Variants in PIBF1 observed in about 807,000 individuals in gnomAD.
PIBF1 encodes progesterone immunomodulatory binding factor 1, also known as progesterone-induced-blocking factor 1.
PIBF1 carries 90 observed loss-of-function variants against 112.5 expected under a neutral mutation model. That is an observed-to-expected ratio of 0.80 (90% CI 0.67 to 0.95). The LOEUF (loss-of-function observed/expected upper bound fraction) is 0.95. Among genes scored for constraint, PIBF1 ranks in the 40% least tolerant of loss-of-function variants. PIBF1 has a pLI of 0.00. For synonymous variants in PIBF1, 301 were observed against 288.6 expected (o/e 1.04, Z -0.44); for missense variants, 915 against 852.3 (o/e 1.07, Z -0.92).
intron 11 of PIBF1, among the ~76,000 whole-genome samples, chr13:72,899,933 A>AC: frequency 6.6e-6 from 1 of 152,318 alleles, no homozygotes; most frequent in South Asian, 2.1e-4. Context: ...TGATGTACAC[A>AC]AATCAGTAGC....
intron 10 of PIBF1, among the ~76,000 whole-genome samples, chr13:72,876,893 T>A (rs1219429597): frequency 6.6e-6 from 1 of 152,176 alleles, no homozygotes; most frequent in Non-Finnish European, 1.5e-5. Flanking sequence ...TCCTTCCCAA[T>A]CTATATACTT....
At chr13:72,959,514 T>TA (rs1484708107) in intron 14 of PIBF1, among the ~76,000 whole-genome samples, 1 of 152,200 alleles carries the variant, frequency 6.6e-6, no homozygotes, top group African/African-American at 2.4e-5. Flanking sequence ...AACTCAATGT[T>TA]AAATTCCACT....
rs144948186 is a variant in PIBF1, at chr13:72,870,735, A to G, written c.1322+16580A>G. Among the ~76,000 whole-genome samples, 453 of 152,182 alleles carry G rather than the reference A, an allele frequency of 3.0e-3. 2 individuals are homozygous for G. The highest frequency in any genetic ancestry group is 1.0e-2 in the African/African-American group (415 of 41,536). On this transcript the variant is annotated intron_variant, in intron 10 of 17. Transcript: ENST00000326291. Reference sequence around the variant, plus strand: ...TTTAGAAGAGGTGGTACATGAAACAAGCATTTGAAGTGTGAAATTTGACAT... The same window carrying G: ...TTTAGAAGAGGTGGTACATGAAACAGGCATTTGAAGTGTGAAATTTGACAT...
At chr13:72,928,044 T>TATACATATATATATATATAC (rs1425822905) in intron 13 of PIBF1, among the ~76,000 whole-genome samples, 12 of 130,076 alleles carry the variant, frequency 9.2e-5, no homozygotes, top group African/African-American at 2.6e-4. Flanking sequence ...TATATATATA[T>TATACATATATATATATATAC]ACATATATAT....
At position 72,976,649 on chromosome 13, in the gene PIBF1, C is replaced by A. The variant is rs569086378; in HGVS notation, c.2049+2974C>A. Among the ~76,000 whole-genome samples, 4 of 152,106 alleles carry A rather than the reference C, an allele frequency of 2.6e-5. No homozygotes were observed. In the South Asian group the frequency reaches 8.3e-4, roughly 32 times the overall value. ...ATGTTATTAATCATTTTCTAAGAAACCATTTACTACCAACTTACATCATAT... is the reference window on the plus strand; with the variant it reads ...ATGTTATTAATCATTTTCTAAGAAAACATTTACTACCAACTTACATCATAT... On this transcript the variant is annotated intron_variant, in intron 16 of 17. Coordinates refer to ENST00000326291, the MANE Select transcript of PIBF1 (RefSeq NM_006346.4).
At chr13:72,803,753 TA>T (rs1265063014) in intron 5 of PIBF1, among the ~76,000 whole-genome samples, 1 of 152,164 alleles carries the variant, frequency 6.6e-6, no homozygotes, top group African/African-American at 2.4e-5. Context: ...TTATGACCAC[TA>T]GAGGAGGGTT....
Position 72,827,132 on chromosome 13 carries a change from T to C in PIBF1, c.915+14T>C. 1 of 1,336,944 alleles carries C rather than the reference T, an allele frequency of 7.5e-7. No homozygotes were observed. Among genetic ancestry groups the C allele is most frequent in the South Asian group, 1.3e-5 (1 of 78,188 alleles). The allele number at this position is 1,336,944 out of a possible 1,614,324, so 82.8% of individuals were successfully genotyped here. A position where few individuals can be genotyped will look rare whatever the true frequency, so the allele number is the denominator to read the frequency against. ...TTATCAAAAGAGGTAAGCTTATAAT[T>C]AGAGTCACTTATATTATATAGCATA... On this transcript the variant is annotated intron_variant, in intron 7 of 17. Coordinates refer to ENST00000326291, the MANE Select transcript of PIBF1 (RefSeq NM_006346.4).
intron 17 of PIBF1, among the ~76,000 whole-genome samples, chr13:73,014,793 A>G (rs1479764167): frequency 6.6e-6 from 1 of 151,692 alleles, no homozygotes; most frequent in East Asian, 1.9e-4. Flanking sequence ...TCCTGGGCCC[A>G]AGTGATTTTT....
intron 14 of PIBF1, among the ~76,000 whole-genome samples, chr13:72,948,861 G>A (rs925240678): frequency 3.9e-5 from 6 of 152,158 alleles, no homozygotes; most frequent in African/African-American, 1.2e-4. Flanking sequence ...TCACTGTCAC[G>A]AGAACAGCAT....
At chr13:72,833,268 G>A (rs889817241) in intron 8 of PIBF1, among the ~76,000 whole-genome samples, 1 of 152,122 alleles carries the variant, frequency 6.6e-6, no homozygotes. Context: ...GCCTACTTCT[G>A]TCAATTCATG....
At chr13:72,828,022 A>G (rs553542374) in intron 8 of PIBF1, 108 bp downstream of exon 8, 33 of 492,390 alleles carry the variant, frequency 6.7e-5, no homozygotes, top group African/African-American at 4.7e-4. Flanking sequence ...GGTCTATTCT[A>G]TATGATAATA....
At chr13:72,986,022 A>G (rs1356940647) in intron 16 of PIBF1, among the ~76,000 whole-genome samples, 1 of 151,596 alleles carries the variant, frequency 6.6e-6, no homozygotes, top group Non-Finnish European at 1.5e-5. Flanking sequence ...AATTAGCTAG[A>G]TGTGGTGGCT....
intron 11 of PIBF1, among the ~76,000 whole-genome samples, chr13:72,904,500 G>T (rs1258388221): frequency 1.6e-5 from 2 of 123,774 alleles, no homozygotes; most frequent in African/African-American, 6.2e-5. Context: ...GAGTGCAGTG[G>T]CACCGTCTCG....
Position 72,844,783 on chromosome 13 carries a change from A to ACG in PIBF1, c.1224-9273_1224-9272insGC, listed in dbSNP as rs1170416729. Among the ~76,000 whole-genome samples, 257 of 121,118 alleles carry ACG rather than the reference A, an allele frequency of 2.1e-3. 3 individuals are homozygous for ACG. The highest frequency in any genetic ancestry group is 7.6e-3 in the African/African-American group (240 of 31,580). The allele number at this position is 121,118 out of a possible 152,430, so 79.5% of individuals were successfully genotyped here. ...CACACACACACACACACACACACACACACACACACACACACACGGATGAAG... is the reference window on the plus strand; with the variant it reads ...CACACACACACACACACACACACACACGCACACACACACACACACGGATGAAG... On this transcript the variant is annotated intron_variant, in intron 9 of 17. Coordinates refer to ENST00000326291, the MANE Select transcript of PIBF1 (RefSeq NM_006346.4).
intron 13 of PIBF1, among the ~76,000 whole-genome samples, chr13:72,922,105 A>G (rs2041317180): frequency 6.6e-6 from 1 of 152,072 alleles, no homozygotes; most frequent in East Asian, 1.9e-4. Flanking sequence ...TATCTTCCTG[A>G]GTAGCTAGGC....
chr13:73,006,480 A>G (rs546402171), intron 17 of PIBF1, among the ~76,000 whole-genome samples: 10 of 152,168 alleles, frequency 6.6e-5, no homozygotes, highest in Non-Finnish European at 1.3e-4. Flanking sequence ...AGCCAGATCA[A>G]CTGTCTTAAA....
intron 9 of PIBF1, among the ~76,000 whole-genome samples, chr13:72,846,909 A>G (rs2037902254): frequency 6.6e-6 from 1 of 152,164 alleles, no homozygotes; most frequent in East Asian, 1.9e-4. Context: ...CACTCAATAT[A>G]CGTAATATTT....
intron 17 of PIBF1, among the ~76,000 whole-genome samples, chr13:73,009,100 A>G (rs906668200): frequency 6.6e-6 from 1 of 152,110 alleles, no homozygotes; most frequent in South Asian, 2.1e-4. Flanking sequence ...GAATCACAAT[A>G]TGGTTGCTCT....
intron 15 of PIBF1, among the ~76,000 whole-genome samples, chr13:72,968,452 C>G (rs916868169): frequency 4.0e-5 from 6 of 151,546 alleles, no homozygotes; most frequent in African/African-American, 1.5e-4. Context: ...AAGCACCCAC[C>G]ACCACAGCCG....
Sources: gnomAD v4.1 joint callset for allele counts (sites outside exome capture counted in the v4.1 genomes callset) on GRCh38, gnomAD v4.1.1 for gene constraint, MANE v1.5 for transcripts, NCBI Gene and HGNC (gene_info 2026-07-23, HGNC 2026-07-21) for gene names.